Variants in ADAMTSL2 observed in about 807,000 individuals in gnomAD.
The protein encoded by ADAMTSL2 is ADAMTS-like protein 2.
ADAMTSL2 carries 55 observed loss-of-function variants against 117.0 expected under a neutral mutation model. The observed-to-expected ratio is 0.47, with a 90% CI of 0.38 to 0.59. ADAMTSL2 has a LOEUF of 0.59. Among genes scored for constraint, ADAMTSL2 ranks in the 20% least tolerant of loss-of-function variants. The pLI is 0.00. For synonymous variants in ADAMTSL2, 572 were observed against 566.4 expected (o/e 1.01, Z -0.14); for missense variants, 1,182 against 1,354.5 (o/e 0.87, Z 2.00).
chr9:133,573,867 G>A lies in ADAMTSL2; in HGVS notation c.2617G>A (p.Val873Met), dbSNP rs1831166720. 19 of 1,613,992 alleles carry A rather than the reference G, an allele frequency of 1.2e-5. No homozygotes were observed. In the East Asian group the frequency reaches 1.6e-4, roughly 13 times the overall value. Residue 873 changes from valine (V) to methionine (M), a missense_variant, in exon 18 of 19, where the codon GTG becomes ATG. Val to Met is a conservative substitution (Grantham distance 21). Around this residue, in one of 3 missense-constraint regions of ADAMTSL2, gnomAD observed 465 missense variants for 565.3 expected, o/e 0.82. Transcript: ENST00000651351. ...GTGCACCAAGACCTGCGGGGTGGGC[G>A]TGAGGATGCGAGACGTCAAGTGCTA... is the stretch of plus-strand genomic sequence containing the variant. ...SECTKTCGVG[V>M]RMRDVKCYQG... is the part of the protein sequence containing the mutation.
At chr9:133,548,637 G>C (rs1239998024) in intron 9 of ADAMTSL2, among the ~76,000 whole-genome samples, 1 of 151,994 alleles carries the variant, frequency 6.6e-6, no homozygotes, top group Non-Finnish European at 1.5e-5. Flanking sequence ...GCCCCCTGGG[G>C]GTCGCATTAT....
chr9:133,573,120 C>T (rs1478833713), intron 17 of ADAMTSL2, among the ~76,000 whole-genome samples: 1 of 152,236 alleles, frequency 6.6e-6, no homozygotes, highest in Non-Finnish European at 1.5e-5. Flanking sequence ...GGGCCAGGGC[C>T]TCCCACCCCA....
At chr9:133,540,376 C>A (rs548685893) in intron 5 of ADAMTSL2, among the ~76,000 whole-genome samples, 3 of 152,234 alleles carry the variant, frequency 2.0e-5, no homozygotes, top group Non-Finnish European at 4.4e-5. Flanking sequence ...GCGCTGCTCC[C>A]CACTCACGAG....
intron 1 of ADAMTSL2, 42 bp from the exon 2 acceptor site, chr9:133,536,521 G>A (rs1000264488): frequency 6.6e-7 from 1 of 1,510,536 alleles, no homozygotes. Flanking sequence ...GCTCCTTCTT[G>A]CTAAGCCTAG....
In ADAMTSL2 at chr9:133,574,919, C is replaced by T. The variant is rs1345353963; in HGVS notation, c.*55C>T. ...AGACCAAGCGCCCCTCCTGGGGCTG[C>T]TGCAGCTTCTGGGGCCTCCACAGAC... On this transcript the variant is annotated 3_prime_UTR_variant, in exon 19 of 19. Coordinates refer to ENST00000651351, the MANE Select transcript of ADAMTSL2 (RefSeq NM_014694.4). 1.3e-5 allele frequency: 19 copies of T among 1,428,028 alleles called. No individual in the cohort carries two copies. In the East Asian group the frequency reaches 3.2e-4, roughly 24 times the overall value. The allele number at this position is 1,428,028 out of a possible 1,614,324, so 88.5% of individuals were successfully genotyped here.
chr9:133,545,638 T>G (rs1312946354), intron 8 of ADAMTSL2, among the ~76,000 whole-genome samples: 1 of 152,218 alleles, frequency 6.6e-6, no homozygotes, highest in Non-Finnish European at 1.5e-5. Flanking sequence ...GCTTTGTCGC[T>G]TGCTTGCTGG....
At position 133,549,289 on chromosome 9, in the gene ADAMTSL2, C is replaced by T. The variant is rs1298716630; in HGVS notation, c.939+2076C>T. On this transcript the variant is annotated intron_variant, in intron 9 of 18. Transcript: ENST00000651351. The stretch of plus-strand genomic sequence containing the variant: ...AAAGTGCTGGGATTACAGGCGTGAG[C>T]CACCGCGCCCGGCCCACAGTTTCCT... Among the ~76,000 whole-genome samples the T allele has an allele frequency of 9.5e-4, 5 of 5,280 alleles. 2 individuals are homozygous for T. The highest frequency in any genetic ancestry group is 4.0e-3 in the East Asian group (5 of 1,256). 3.5% of individuals were successfully genotyped at this position (5,280 alleles called of 152,430 possible).
At chr9:133,534,117 T>A (rs561273309), upstream of ADAMTSL2, among the ~76,000 whole-genome samples, 1 of 152,336 alleles carries the variant, frequency 6.6e-6, no homozygotes, top group Admixed American at 6.5e-5. Context: ...CCCTGGCTGC[T>A]CTAGCCATCT....
intron 8 of ADAMTSL2, among the ~76,000 whole-genome samples, chr9:133,545,846 C>T (rs748678740): frequency 4.6e-5 from 7 of 152,076 alleles, no homozygotes; most frequent in Admixed American, 2.6e-4. Flanking sequence ...GAAACAGGGC[C>T]GAGACAACCA....
intron 17 of ADAMTSL2, 115 bp downstream of exon 17, chr9:133,570,622 T>G: frequency 8.6e-7 from 1 of 1,164,762 alleles, no homozygotes; most frequent in Non-Finnish European, 1.2e-6. Context: ...CCTGACAGCC[T>G]CTGTGAGGGC....
intron 5 of ADAMTSL2, 76 bp downstream of exon 5, chr9:133,539,949 C>A: frequency 7.4e-7 from 1 of 1,357,834 alleles, no homozygotes; most frequent in Non-Finnish European, 1.0e-6. Flanking sequence ...CACCTGGGAC[C>A]AAACTCGACG....
At chr9:133,572,985 T>C (rs1831145761) in intron 17 of ADAMTSL2, among the ~76,000 whole-genome samples, 1 of 152,186 alleles carries the variant, frequency 6.6e-6, no homozygotes, top group Non-Finnish European at 1.5e-5. Flanking sequence ...CAGCCTCTCC[T>C]CGCCTGCAGA....
chr9:133,556,299 A>T (rs1019991430), intron 11 of ADAMTSL2, among the ~76,000 whole-genome samples: 13 of 152,202 alleles, frequency 8.5e-5, no homozygotes, highest in African/African-American at 2.9e-4. Flanking sequence ...TGTCATCGTC[A>T]CAACCGCCCT....
chr9:133,559,342 C>T (rs1588297305), intron 11 of ADAMTSL2, among the ~76,000 whole-genome samples: 1 of 147,296 alleles, frequency 6.8e-6, no homozygotes, highest in African/African-American at 2.5e-5. Context: ...AAACCCCCCA[C>T]CCACCCCCAT....
intron 8 of ADAMTSL2, among the ~76,000 whole-genome samples, chr9:133,544,921 A>G (rs1374300713): frequency 1.3e-5 from 2 of 152,224 alleles, no homozygotes; most frequent in Non-Finnish European, 2.9e-5. Flanking sequence ...TGACAAGGTC[A>G]AGGTAGCACT....
Position 133,558,942 on chromosome 9 carries a change from A to G in ADAMTSL2, c.1650-2256A>G, listed in dbSNP as rs1830666974. 6.6e-6 allele frequency among the ~76,000 whole-genome samples: 1 copy of G among 152,202 alleles called. No individual in the cohort carries two copies. The highest frequency in any genetic ancestry group is 2.4e-5 in the African/African-American group (1 of 41,448). On this transcript the variant is annotated intron_variant, in intron 11 of 18. Coordinates refer to ENST00000651351, the MANE Select transcript of ADAMTSL2 (RefSeq NM_014694.4). The surrounding 1 kb of genome is among the most constrained non-coding windows in gnomAD (Gnocchi z 4.3). ...CGAAGAGTGTGTGGGCAGCCCCTCC[A>G]GAAATACCTTTGGTGCTTAAAATCC...
Position 133,570,484 on chromosome 9 carries a change from T to A in ADAMTSL2, c.2569T>A (p.Trp857Arg). 1 of 1,611,814 alleles carries A rather than the reference T, an allele frequency of 6.2e-7. No individual in the cohort carries two copies. The highest frequency in any genetic ancestry group is 8.5e-7 in the Non-Finnish European group (1 of 1,179,540). ...GTGTTTCGAGAGGCCCTGCTTCAAG[T>A]GGTACACCAGCCCCTGGTCAGAGGT... Reference protein sequence around the residue: ...STCFERPCFKWYTSPWSECTK... With the variant: ...STCFERPCFKRYTSPWSECTK... The change falls in exon 17 of 19, where the codon TGG (tryptophan) becomes AGG (arginine). Residue 857 changes from tryptophan to arginine, a missense_variant. By Grantham distance (101) the Trp-to-Arg change is moderately radical. Coordinates refer to ENST00000651351, the MANE Select transcript of ADAMTSL2 (RefSeq NM_014694.4).
intron 5 of ADAMTSL2, among the ~76,000 whole-genome samples, 195 bp from the exon 6 acceptor site, chr9:133,540,403 C>G (rs1187195180): frequency 1.3e-5 from 2 of 152,236 alleles, no homozygotes; most frequent in African/African-American, 2.4e-5. Context: ...GAAGCTGGAA[C>G]TCACGGGGTG....
At chr9:133,537,594 G>A (rs1830083258) in intron 3 of ADAMTSL2, 47 bp downstream of exon 3, 3 of 1,331,260 alleles carry the variant, frequency 2.3e-6, no homozygotes, top group African/African-American at 3.0e-5. Flanking sequence ...TGAGGGCAGG[G>A]TAGCGGGCAG....
Sources: allele counts gnomAD v4.1 joint callset (sites outside exome capture counted in the v4.1 genomes callset), GRCh38; gene constraint gnomAD v4.1.1; regional missense constraint gnomAD v4.1.1; non-coding constraint Gnocchi (gnomAD v3.1); transcripts MANE v1.5; gene names NCBI Gene and HGNC (gene_info 2026-07-23, HGNC 2026-07-21).